Variants in NRXN3 observed in about 807,000 individuals in gnomAD.
The protein encoded by NRXN3 is neurexin III.
A neutral mutation model predicts 137.6 loss-of-function variants in NRXN3; 32 were observed. The ratio of observed to expected loss-of-function variants is 0.23; its 90% CI spans 0.18 to 0.31. NRXN3 has a LOEUF of 0.31. NRXN3 is among the 10% of genes least tolerant of loss of function. The probability of loss-of-function intolerance (pLI) is 1.00; values close to 1 mark genes in which losing one functional copy is unlikely to be tolerated. For synonymous variants in NRXN3, 798 were observed against 784.5 expected, an observed-to-expected ratio of 1.02 and a Z score of -0.29; for missense variants, 1,574 against 2,062.5, an observed-to-expected ratio of 0.76 and a Z score of 4.59.
chr14:79,343,194 C>G (rs2092700560), intron 15 of NRXN3, among the ~76,000 whole-genome samples: 1 of 152,136 alleles, frequency 6.6e-6, no homozygotes, highest in Non-Finnish European at 1.5e-5. Context: ...AGCTGCATGA[C>G]TCCTAAACCA....
chr14:79,103,640 C>G (rs918315313), intron 15 of NRXN3, among the ~76,000 whole-genome samples: 1 of 152,042 alleles, frequency 6.6e-6, no homozygotes, highest in African/African-American at 2.4e-5. Context: ...TTCTGACATT[C>G]CATTGCCCAA....
chr14:78,967,857 G>A (rs1346029810), intron 13 of NRXN3, among the ~76,000 whole-genome samples: 2 of 152,018 alleles, frequency 1.3e-5, no homozygotes, highest in African/African-American at 2.4e-5. Flanking sequence ...ATATCCCTCA[G>A]CATATTATTG....
At chr14:79,029,417 C>T (rs543757047) in intron 15 of NRXN3, among the ~76,000 whole-genome samples, 1 of 152,108 alleles carries the variant, frequency 6.6e-6, no homozygotes, top group African/African-American at 2.4e-5. Flanking sequence ...GTTCCTGCCC[C>T]GACACCCAAA....
At chr14:78,191,430 A>G (rs1308987029) in intron 1 of NRXN3, among the ~76,000 whole-genome samples, 1 of 152,196 alleles carries the variant, frequency 6.6e-6, no homozygotes, top group African/African-American at 2.4e-5. Flanking sequence ...AACATGCTTC[A>G]GAGCAGTCAG....
intron 1 of NRXN3, among the ~76,000 whole-genome samples, chr14:78,202,547 G>A (rs2061775642): frequency 6.6e-6 from 1 of 152,202 alleles, no homozygotes; most frequent in African/African-American, 2.4e-5. Flanking sequence ...TCACCTGAAA[G>A]TCCCTCCTAG....
chr14:78,384,805 AATAT>A (rs1166998153), intron 4 of NRXN3, among the ~76,000 whole-genome samples: 5 of 152,182 alleles, frequency 3.3e-5, no homozygotes, highest in Non-Finnish European at 7.3e-5. Flanking sequence ...GTCTCTTTCA[AATAT>A]ACCATTCGGT....
At chr14:78,779,567 G>T (rs117090493) in intron 8 of NRXN3, among the ~76,000 whole-genome samples, 2 of 152,138 alleles carry the variant, frequency 1.3e-5, no homozygotes, top group Non-Finnish European at 2.9e-5. Context: ...TTTGCAGAAA[G>T]TCCATAAGGG....
intron 20 of NRXN3, among the ~76,000 whole-genome samples, chr14:79,847,503 C>T (rs1393256658): frequency 6.6e-6 from 1 of 152,250 alleles, no homozygotes; most frequent in East Asian, 1.9e-4. Context: ...GTCCCCCATG[C>T]CAACCCCTGG....
chr14:78,966,359 C>T lies in NRXN3; in HGVS notation c.2730C>T (p.Phe910=). 3.7e-6 allele frequency: 6 copies of T among 1,614,130 alleles called. No individual in the cohort carries two copies. The highest frequency in any genetic ancestry group is 5.1e-6 in the Non-Finnish European group (6 of 1,179,992). ...KTTSPDGFIL[F]NSGDGNDFIA... is the part of the protein sequence containing the mutation. ...CCTCACCAGATGGCTTCATTCTCTT[C>T]AATAGTGGTGATGGCAATGACTTCA... is the stretch of plus-strand genomic sequence containing the variant. The change falls in exon 12 of 21, where the codon TTC becomes TTT. Residue 910 remains phenylalanine (F), a synonymous_variant. Transcript: ENST00000335750.
intron 10 of NRXN3, among the ~76,000 whole-genome samples, chr14:78,827,748 C>T (rs573449961): frequency 6.6e-6 from 1 of 152,340 alleles, no homozygotes; most frequent in Admixed American, 6.5e-5. Context: ...CTGAGCTACT[C>T]AGCTGTCTCA....
chr14:78,291,061 C>A (rs562378036), intron 3 of NRXN3, among the ~76,000 whole-genome samples: 2 of 152,314 alleles, frequency 1.3e-5, no homozygotes, highest in East Asian at 3.9e-4. Flanking sequence ...CATGCTGAGC[C>A]AGGGTCATAA....
chr14:78,943,956 T>G (rs1027376916), intron 10 of NRXN3, among the ~76,000 whole-genome samples: 1 of 151,852 alleles, frequency 6.6e-6, no homozygotes, highest in Non-Finnish European at 1.5e-5. Flanking sequence ...GGATGCTGAC[T>G]GGGGTGTTGA....
chr14:79,184,630 A>G (rs975508504), intron 15 of NRXN3, among the ~76,000 whole-genome samples: 1 of 152,242 alleles, frequency 6.6e-6, no homozygotes, highest in Non-Finnish European at 1.5e-5. Context: ...CGACCTGAAT[A>G]ATGAAGTACC....
intron 15 of NRXN3, among the ~76,000 whole-genome samples, chr14:79,466,504 C>T (rs780893910): frequency 9.9e-5 from 15 of 152,258 alleles, no homozygotes; most frequent in Admixed American, 2.0e-4. Flanking sequence ...AGGAGAATTG[C>T]TTGAACCCAG....
At chr14:79,371,428 G>A (rs999962654) in intron 15 of NRXN3, among the ~76,000 whole-genome samples, 21 of 151,770 alleles carry the variant, frequency 1.4e-4, no homozygotes, top group Non-Finnish European at 2.9e-4. Flanking sequence ...ATCCCAGACT[G>A]GTCCTACTAA....
intron 16 of NRXN3, among the ~76,000 whole-genome samples, chr14:79,649,459 T>C (rs1428132253): frequency 6.6e-6 from 1 of 152,168 alleles, no homozygotes; most frequent in Non-Finnish European, 1.5e-5. Flanking sequence ...ATTCCATAAA[T>C]GAAATTTTGC....
In NRXN3 at chr14:79,295,799, G is replaced by A. The variant is rs8014560; in HGVS notation, c.3263-171422G>A. Among the ~76,000 whole-genome samples, 1,172 of 152,196 alleles carry A rather than the reference G, an allele frequency of 7.7e-3. 22 individuals are homozygous for A. In the South Asian group the frequency reaches 0.078, roughly 10 times the overall value. On this transcript the variant is annotated intron_variant, in intron 15 of 20. Coordinates refer to ENST00000335750, the MANE Select transcript of NRXN3 (RefSeq NM_001330195.2). ...TGGTAGACTGCTACTAATTTTTCAC[G>A]TTGCAGCTGACTCCATAATATCTGG... is the stretch of plus-strand genomic sequence containing the variant.
chr14:78,319,463 C>T (rs947566686), intron 4 of NRXN3, among the ~76,000 whole-genome samples: 1 of 152,184 alleles, frequency 6.6e-6, no homozygotes, highest in Non-Finnish European at 1.5e-5. Flanking sequence ...AACAAATCAT[C>T]ACCATGAGGA....
At chr14:78,369,596 T>C (rs1330377847) in intron 4 of NRXN3, among the ~76,000 whole-genome samples, 1 of 152,194 alleles carries the variant, frequency 6.6e-6, no homozygotes, top group Non-Finnish European at 1.5e-5. Flanking sequence ...AATGGAATAG[T>C]GTATTAACCA....
Sources: allele counts gnomAD v4.1 joint callset (sites outside exome capture counted in the v4.1 genomes callset), GRCh38; gene constraint gnomAD v4.1.1; transcripts MANE v1.5; gene names NCBI Gene and HGNC (gene_info 2026-07-23, HGNC 2026-07-21).